The following IPO5 variants were observed in gnomAD, a reference collection of about 807,000 sequenced individuals.
IPO5 encodes importin-5.
Under a neutral mutation model 143.3 loss-of-function variants are expected in IPO5, and 18 were observed. The observed-to-expected ratio is 0.13, with a 90% confidence interval of 0.09 to 0.19. The LOEUF is 0.19. IPO5 is among the 10% of genes least tolerant of loss of function. The pLI, the probability that IPO5 is intolerant of heterozygous loss-of-function variation, is 1.00. For missense variants in IPO5, 1,013 were observed against 1,336.9 expected (o/e 0.76, Z 3.78); for synonymous variants, 477 against 465.7 (o/e 1.02, Z -0.31).
chr13:97,988,468 T>G (rs760254299), intron 6 of IPO5, among the ~76,000 whole-genome samples: 1 of 152,220 alleles, frequency 6.6e-6, no homozygotes, highest in Non-Finnish European at 1.5e-5. Context: ...AAGTGCTGCC[T>G]TCTCTTCAAA....
rs570780401 is a variant in IPO5 at position 97,969,751 on chromosome 13, T to G, written c.-84T>G. 202 of 1,596,070 alleles carry G rather than the reference T, an allele frequency of 1.3e-4. 3 individuals are homozygous for G. In the South Asian group the frequency reaches 2.2e-3, roughly 17 times the overall value. On this transcript the variant is annotated 5_prime_UTR_variant, in exon 3 of 29. Transcript: ENST00000651721. ...AGGAAAGAAATTCCTAAGGGAACAC[T>G]GCTCAGAAAGTACTGCAGCATGTCT...
intron 21 of IPO5, among the ~76,000 whole-genome samples, chr13:98,013,049 C>A (rs542738317): frequency 2.0e-5 from 3 of 151,812 alleles, no homozygotes; most frequent in Non-Finnish European, 4.4e-5. Flanking sequence ...GGGGAAACAT[C>A]ACTTGGCACA....
chr13:98,018,877 C>CA (rs1890290435), intron 26 of IPO5, among the ~76,000 whole-genome samples, 173 bp downstream of exon 26: 1 of 152,126 alleles, frequency 6.6e-6, no homozygotes, highest in South Asian at 2.1e-4. Flanking sequence ...GATTTATTCT[C>CA]ATAGAAATAG....
chr13:97,997,797 C>T (rs1414220646), intron 12 of IPO5, among the ~76,000 whole-genome samples, 179 bp downstream of exon 12: 1 of 152,010 alleles, frequency 6.6e-6, no homozygotes, highest in East Asian at 1.9e-4. Context: ...CTTTAGTTTT[C>T]ATGTATAATT....
At chr13:97,990,367 A>C in intron 8 of IPO5, 66 bp from the exon 9 acceptor site, 1 of 1,297,984 alleles carries the variant, frequency 7.7e-7, no homozygotes, top group Non-Finnish European at 1.1e-6. Context: ...GATCTTGAGT[A>C]AGAAAACTTG....
At chr13:98,005,995 G>A (rs1347203049) in intron 16 of IPO5, 135 bp from the exon 17 acceptor site, 3 of 642,290 alleles carry the variant, frequency 4.7e-6, no homozygotes, top group Admixed American at 2.8e-5. Flanking sequence ...AAAACCTACA[G>A]TCTCTGCTTC....
intron 3 of IPO5, among the ~76,000 whole-genome samples, chr13:97,975,074 A>T (rs1282091813): frequency 2.0e-5 from 3 of 152,304 alleles, no homozygotes; most frequent in South Asian, 4.1e-4. Context: ...TAAATTCCCT[A>T]AGTTAAATAC....
At chr13:97,982,319 A>C (rs537231712) in intron 4 of IPO5, among the ~76,000 whole-genome samples, 184 bp from the exon 5 acceptor site, 3 of 152,356 alleles carry the variant, frequency 2.0e-5, no homozygotes, top group Admixed American at 2.0e-4. Flanking sequence ...GGAACTTGAT[A>C]AGTAACCCTT....
intron 16 of IPO5, among the ~76,000 whole-genome samples, 166 bp from the exon 17 acceptor site, chr13:98,005,964 C>G (rs934602866): frequency 1.3e-5 from 2 of 152,108 alleles, no homozygotes; most frequent in African/African-American, 2.4e-5. Context: ...AACATAGATT[C>G]TTTTTATAGA....
chr13:97,995,964 CCAAT>C (rs1333617083), intron 11 of IPO5, among the ~76,000 whole-genome samples: 2 of 152,064 alleles, frequency 1.3e-5, no homozygotes, highest in African/African-American at 2.4e-5. Flanking sequence ...AATTTTTTGA[CCAAT>C]CAGATACACC....
intron 11 of IPO5, among the ~76,000 whole-genome samples, chr13:97,994,081 C>A (rs1281835917): frequency 6.6e-6 from 1 of 152,182 alleles, no homozygotes; most frequent in African/African-American, 2.4e-5. Flanking sequence ...CCGAGGCGGG[C>A]AGATCACCTG....
rs758331691 is a variant in IPO5 at position 98,018,717 on chromosome 13, AT to A, written c.2836+15del. On this transcript the variant is annotated intron_variant, in intron 26 of 28. Coordinates refer to ENST00000651721, the MANE Select transcript of IPO5 (RefSeq NM_002271.6). ...CCTTTTTGTACAGGTACGTTTGCTT[AT>A]TCCGTTACGTGCATTTCATTCCAGA... is the stretch of plus-strand genomic sequence containing the variant. 6.3e-7 allele frequency: 1 copy of A among 1,593,722 alleles called. No individual in the cohort carries two copies. The highest frequency in any genetic ancestry group is 8.6e-7 in the Non-Finnish European group (1 of 1,161,718).
chr13:98,008,486 T>C lies in IPO5; in HGVS notation c.1800+344T>C, dbSNP rs151192437. Among the ~76,000 whole-genome samples the C allele has an allele frequency of 1.5e-3, 226 of 152,304 alleles. 1 individual carries two copies. The highest frequency in any genetic ancestry group is 4.5e-3 in the African/African-American group (189 of 41,574). On this transcript the variant is annotated intron_variant, in intron 18 of 28. Transcript: ENST00000651721. ...ATCTTCAGAATTGAAGATTCATTTA[T>C]CCAACATGTAATAGACATCTCCATT...
At chr13:97,976,151 CG>C (rs1193418472) in intron 3 of IPO5, among the ~76,000 whole-genome samples, 1 of 151,908 alleles carries the variant, frequency 6.6e-6, no homozygotes, top group Non-Finnish European at 1.5e-5. Context: ...CCCGCGGCGC[CG>C]AAATCTCCCG....
chr13:98,000,520 A>G lies in IPO5; in HGVS notation c.1002-19A>G, dbSNP rs1888676742. ...GTGTTTCAGATATATTGAGTACATAATTCTGTTTATGTGTTTAGCAATGCA... is the reference window on the plus strand; with the variant it reads ...GTGTTTCAGATATATTGAGTACATAGTTCTGTTTATGTGTTTAGCAATGCA... On this transcript the variant is annotated intron_variant, in intron 12 of 28. Coordinates refer to ENST00000651721, the MANE Select transcript of IPO5 (RefSeq NM_002271.6). The G allele has an allele frequency of 8.5e-6, 13 of 1,524,356 alleles. No individual in the cohort carries two copies. Among genetic ancestry groups the G allele is most frequent in the Non-Finnish European group, 1.2e-5 (13 of 1,098,302 alleles). 94.4% of individuals were successfully genotyped at this position (1,524,356 alleles called of 1,614,324 possible). A position where few individuals can be genotyped will look rare whatever the true frequency, so the allele number is the denominator to read the frequency against.
Position 98,012,290 on chromosome 13 carries a change from C to A in IPO5, c.2100C>A (p.Thr700=). 1.9e-6 allele frequency: 3 copies of A among 1,612,896 alleles called. No individual in the cohort carries two copies. Among genetic ancestry groups the A allele is most frequent in the Non-Finnish European group, 2.5e-6 (3 of 1,178,958 alleles). Reference sequence around the variant, plus strand: ...TAAAGGAAGGCTTTGTGGAGTACACCGAACAGGTTGTCAAACTGATGGTCC... The same window carrying A: ...TAAAGGAAGGCTTTGTGGAGTACACAGAACAGGTTGTCAAACTGATGGTCC... ...KELKEGFVEY[T]EQVVKLMVPL... Residue 700 remains threonine (T), a synonymous_variant, in exon 21 of 29, where the codon ACC becomes ACA. Coordinates refer to ENST00000651721, the MANE Select transcript of IPO5 (RefSeq NM_002271.6).
At chr13:98,014,507 G>T (rs912238054) in intron 22 of IPO5, among the ~76,000 whole-genome samples, 2 of 152,120 alleles carry the variant, frequency 1.3e-5, no homozygotes, top group Admixed American at 6.5e-5. Context: ...GATCCACCTC[G>T]GCCTCCCAGA....
chr13:97,990,150 C>T lies in IPO5; in HGVS notation c.492C>T (p.Asn164=). Residue 164 remains asparagine (N), a synonymous_variant, in exon 8 of 29, where the codon AAC becomes AAT. Transcript: ENST00000651721. ...IFWNFPGIFG[N]QQQHYLDVIK... ...GGAACTTTCCTGGAATTTTTGGGAA[C>T]CAGCAACAACACTATTTAGATGTCA... The T allele has an allele frequency of 6.2e-7, 1 of 1,612,102 alleles. No individual in the cohort carries two copies. Among genetic ancestry groups the T allele is most frequent in the Non-Finnish European group, 8.5e-7 (1 of 1,178,540 alleles).
chr13:97,994,833 A>T (rs1594086250), intron 11 of IPO5, among the ~76,000 whole-genome samples: 1 of 152,162 alleles, frequency 6.6e-6, no homozygotes, highest in Non-Finnish European at 1.5e-5. Flanking sequence ...TAATTGATCA[A>T]AAGTTCTTGG....
Sources: allele counts gnomAD v4.1 joint callset (sites outside exome capture counted in the v4.1 genomes callset), GRCh38; gene constraint gnomAD v4.1.1; transcripts MANE v1.5; gene names NCBI Gene and HGNC (gene_info 2026-07-23, HGNC 2026-07-21).